LRRK2: variants seen among roughly 807,000 people sequenced by gnomAD.
LRRK2 encodes leucine rich repeat kinase 2.
LRRK2 carries 203 observed loss-of-function variants against 302.6 expected under a neutral mutation model. The ratio of observed to expected loss-of-function variants is 0.67; its 90% CI spans 0.60 to 0.75. LRRK2 has a LOEUF of 0.75. Among genes scored for constraint, LRRK2 ranks in the 30% least tolerant of loss-of-function variants. The pLI, the probability that LRRK2 is intolerant of heterozygous loss-of-function variation, is 0.00. For synonymous variants in LRRK2, 1,066 were observed against 1,031.9 expected (o/e 1.03, Z -0.63); for missense variants, 2,830 against 2,951.0 (o/e 0.96, Z 0.95).
chr12:40,309,479 T>A (rs1044399427), intron 30 of LRRK2, among the ~76,000 whole-genome samples: 6 of 152,156 alleles, frequency 3.9e-5, no homozygotes, highest in Admixed American at 2.0e-4. Context: ...GCTGTAAAAC[T>A]TGAAAATATA....
chr12:40,328,494 G>T, intron 39 of LRRK2, 34 bp downstream of exon 39: 2 of 1,454,856 alleles, frequency 1.4e-6, no homozygotes, highest in Non-Finnish European at 1.9e-6. Flanking sequence ...ATATTAAATT[G>T]CACATTATTA....
chr12:40,296,272 A>G (rs748422848), intron 23 of LRRK2, among the ~76,000 whole-genome samples: 3 of 152,218 alleles, frequency 2.0e-5, no homozygotes, highest in Non-Finnish European at 4.4e-5. Flanking sequence ...ACAGATCAAA[A>G]TAGTTTTGAA....
rs1943376377 is a variant in LRRK2 at position 40,274,730 on chromosome 12, C to T, written c.1801+3C>T. 1 of 1,613,864 alleles carries T rather than the reference C, an allele frequency of 6.2e-7. No individual in the cohort carries two copies. Among genetic ancestry groups the T allele is most frequent in the African/African-American group, 1.3e-5 (1 of 74,922 alleles). On this transcript the variant is annotated splice_donor_region_variant and intron_variant, in intron 15 of 50. Coordinates refer to ENST00000298910, the MANE Select transcript of LRRK2 (RefSeq NM_198578.4). ...GCAGATGTATCCAGATGACCAAGGT[C>T]AGTACAATTTGAATTCAGGATTTAG...
At chr12:40,351,879 GTTT>G in intron 44 of LRRK2, 146 bp downstream of exon 44, 1 of 886,448 alleles carries the variant, frequency 1.1e-6, no homozygotes, top group South Asian at 1.7e-5. Context: ...GAGCAAATGT[GTTT>G]TGCTTTAGAA....
At chr12:40,274,465 C>T in intron 14 of LRRK2, 118 bp from the exon 15 acceptor site, 1 of 1,067,726 alleles carries the variant, frequency 9.4e-7, no homozygotes, top group South Asian at 1.4e-5. Flanking sequence ...AAAACAAAAT[C>T]AAGGATACTG....
intron 1 of LRRK2, 110 bp downstream of exon 1, chr12:40,225,392 A>G: frequency 1.5e-6 from 2 of 1,377,962 alleles, no homozygotes; most frequent in Non-Finnish European, 2.0e-6. Flanking sequence ...CCGGACTCTT[A>G]AGGAGCCGCA....
At position 40,229,955 on chromosome 12, in the gene LRRK2, CTTTTTTTTT is replaced by C. The variant is rs71078229; in HGVS notation, c.238-2299_238-2291del. On this transcript the variant is annotated intron_variant, in intron 2 of 50. Coordinates refer to ENST00000298910, the MANE Select transcript of LRRK2 (RefSeq NM_198578.4). ...GAGATGAGTTTGGCATCCTATGTGA[CTTTTTTTTT>C]TTTTTTTTTTTTTTTTTTTACCACC... Among the ~76,000 whole-genome samples, 19 of 92,904 alleles carry C rather than the reference CTTTTTTTTT, an allele frequency of 2.0e-4. No homozygotes were observed. The East Asian group carries it at 2.9e-3, about 14-fold the overall frequency. The allele number at this position is 92,904 out of a possible 152,430, so 60.9% of individuals were successfully genotyped here.
chr12:40,230,316 C>T (rs1175311319), intron 2 of LRRK2, among the ~76,000 whole-genome samples: 4 of 152,082 alleles, frequency 2.6e-5, no homozygotes, highest in Non-Finnish European at 4.4e-5. Flanking sequence ...TGTTTACTCC[C>T]GTAAGCGAGT....
chr12:40,269,525 A>G (rs1371077854), intron 14 of LRRK2, among the ~76,000 whole-genome samples: 2 of 152,184 alleles, frequency 1.3e-5, no homozygotes, highest in African/African-American at 2.4e-5. Flanking sequence ...GACCTGCAAC[A>G]CATATGTAGC....
At chr12:40,294,824 T>G in intron 21 of LRRK2, 21 bp from the exon 22 acceptor site, 1 of 1,356,190 alleles carries the variant, frequency 7.4e-7, no homozygotes, top group Non-Finnish European at 1.0e-6. Context: ...AGCAATTTTA[T>G]TATAAATTAT....
intron 16 of LRRK2, among the ~76,000 whole-genome samples, chr12:40,275,267 G>A (rs1943401189): frequency 6.6e-6 from 1 of 152,158 alleles, no homozygotes; most frequent in African/African-American, 2.4e-5. Flanking sequence ...CCAGCTAGCT[G>A]AGTTTATTCG....
At chr12:40,257,223 TAA>T (rs1351017304) in intron 11 of LRRK2, 23 bp from the exon 12 acceptor site, 3 of 1,464,014 alleles carry the variant, frequency 2.0e-6, no homozygotes. Flanking sequence ...TTCATATCTA[TAA>T]GTAACATTTT....
At chr12:40,300,104 AC>A (rs1304450153) in intron 25 of LRRK2, among the ~76,000 whole-genome samples, 8 of 152,250 alleles carry the variant, frequency 5.3e-5, no homozygotes, top group African/African-American at 1.9e-4. Context: ...TTCTTCAGCA[AC>A]TTTTTGTATG....
chr12:40,228,837 A>G (rs1249295316), intron 2 of LRRK2, among the ~76,000 whole-genome samples: 1 of 152,200 alleles, frequency 6.6e-6, no homozygotes, highest in Non-Finnish European at 1.5e-5. Context: ...ATTCTCACTG[A>G]AATCTCACTG....
intron 2 of LRRK2, among the ~76,000 whole-genome samples, chr12:40,230,550 A>G (rs570044623): frequency 1.4e-4 from 21 of 152,272 alleles, no homozygotes; most frequent in African/African-American, 5.1e-4. Context: ...TTCTTCTCTG[A>G]GTAATTTCAA....
Position 40,235,730 on chromosome 12 carries a change from GT to G in LRRK2, c.436+22del. The G allele has an allele frequency of 7.3e-7, 1 of 1,376,384 alleles. No individual in the cohort carries two copies. Among genetic ancestry groups the G allele is most frequent in the Non-Finnish European group, 1.0e-6 (1 of 984,736 alleles). 85.3% of individuals were successfully genotyped at this position (1,376,384 alleles called of 1,614,324 possible). A position where few individuals can be genotyped will look rare whatever the true frequency, so the allele number is the denominator to read the frequency against. On this transcript the variant is annotated intron_variant, in intron 4 of 50. Transcript: ENST00000298910. ...CTAACTTCAGGTAATATGTGTATAT[GT>G]TTTTTGTGTTGATTCAAATTAAAAA...
chr12:40,361,132 ATTT>A (rs910566534), intron 47 of LRRK2, among the ~76,000 whole-genome samples: 1 of 150,124 alleles, frequency 6.7e-6, no homozygotes, highest in African/African-American at 2.4e-5. Flanking sequence ...TGGGGATCAG[ATTT>A]TTTTTTTCAG....
intron 41 of LRRK2, among the ~76,000 whole-genome samples, chr12:40,341,357 C>T (rs373119895): frequency 2.6e-5 from 4 of 152,268 alleles, no homozygotes; most frequent in East Asian, 3.9e-4. Context: ...GGTTCTAGTT[C>T]GTTTCCTGCG....
chr12:40,284,713 G>A (rs879384519), intron 19 of LRRK2, among the ~76,000 whole-genome samples: 36 of 151,966 alleles, frequency 2.4e-4, no homozygotes, highest in African/African-American at 8.2e-4. Flanking sequence ...TATCTTTTGA[G>A]CTCTCTCATT....
Sources: allele counts gnomAD v4.1 joint callset (sites outside exome capture counted in the v4.1 genomes callset), GRCh38; gene constraint gnomAD v4.1.1; transcripts MANE v1.5; gene names NCBI Gene and HGNC (gene_info 2026-07-23, HGNC 2026-07-21).